PLXDC1: variants seen among roughly 807,000 people sequenced by gnomAD.
The protein encoded by PLXDC1 is plexin domain-containing protein 1.
Under a neutral mutation model 61.3 loss-of-function variants are expected in PLXDC1, and 39 were observed. The observed-to-expected ratio is 0.64, with a 90% CI of 0.49 to 0.83. The LOEUF is 0.83. PLXDC1 is among the 40% of genes least tolerant of loss of function. The pLI, the probability that PLXDC1 is intolerant of heterozygous loss-of-function variation, is 0.00. For missense variants in PLXDC1, 596 were observed against 666.5 expected (o/e 0.89, Z 1.17); for synonymous variants, 212 against 254.5 (o/e 0.83, Z 1.59).
chr17:39,150,191 G>C (rs1057253891), intron 1 of PLXDC1, among the ~76,000 whole-genome samples: 1 of 152,088 alleles, frequency 6.6e-6, no homozygotes, highest in Admixed American at 6.5e-5. Context: ...GCAGCTTCTC[G>C]GTTCGTCAGC....
chr17:39,090,840 C>T (rs1207841010), intron 7 of PLXDC1, among the ~76,000 whole-genome samples: 4 of 152,112 alleles, frequency 2.6e-5, no homozygotes, highest in Non-Finnish European at 4.4e-5. Flanking sequence ...GGAAGGATGG[C>T]ACGCATTGCT....
intron 1 of PLXDC1, among the ~76,000 whole-genome samples, chr17:39,141,164 G>A (rs1024708011): frequency 6.6e-6 from 1 of 152,108 alleles, no homozygotes; most frequent in African/African-American, 2.4e-5. Context: ...TAAGTAGCTG[G>A]GACTATAGGC....
intron 9 of PLXDC1, chr17:39,081,225 A>G (rs2143379474): frequency 6.5e-6 from 1 of 152,716 alleles, no homozygotes; most frequent in South Asian, 2.1e-4. Context: ...CTATTCTGCA[A>G]CGCTCTGCTC....
In PLXDC1 at chr17:39,063,356, A is replaced by T. The variant is rs74690709; in HGVS notation, c.*4484T>A. 5.8e-3 allele frequency: 3,773 copies of T among 649,366 alleles called. 154 individuals carry two copies. The East Asian group carries it at 0.08, about 14-fold the overall frequency. The allele number at this position is 649,366 out of a possible 1,614,324, so 40.2% of individuals were successfully genotyped here. On this transcript the variant is annotated 3_prime_UTR_variant, in exon 14 of 14. Coordinates refer to ENST00000315392, the MANE Select transcript of PLXDC1 (RefSeq NM_020405.5). ...GTATGTCCTCAGACAGTAGATAAAAATGCATGGGGTTTACTTCCAGGGATT... is the reference window on the plus strand; with the variant it reads ...GTATGTCCTCAGACAGTAGATAAAATTGCATGGGGTTTACTTCCAGGGATT...
In PLXDC1 at chr17:39,151,129, G is replaced by T. The variant is rs1374187459; in HGVS notation, c.76+233C>A. On this transcript the variant is annotated intron_variant, in intron 1 of 13. Transcript: ENST00000315392. This position sits in a 1 kb window ranked among gnomAD's most constrained non-coding sequence, Gnocchi z 5.2. ...CTAAGGTCCCTCCAGTATCCTTCCAGGAGAGAAGGAGAGGTCCGGGCATCG... is the reference window on the plus strand; with the variant it reads ...CTAAGGTCCCTCCAGTATCCTTCCATGAGAGAAGGAGAGGTCCGGGCATCG... Among the ~76,000 whole-genome samples the T allele has an allele frequency of 6.6e-6, 1 of 152,202 alleles. No homozygotes were observed. Among genetic ancestry groups the T allele is most frequent in the East Asian group, 1.9e-4 (1 of 5,192 alleles).
At chr17:39,074,520 C>T (rs1385128867) in intron 11 of PLXDC1, among the ~76,000 whole-genome samples, 2 of 152,158 alleles carry the variant, frequency 1.3e-5, no homozygotes, top group African/African-American at 4.8e-5. Context: ...GGGATGCACA[C>T]AGATAATAAA....
At chr17:39,152,155 C>T (rs1045534875), upstream of PLXDC1, among the ~76,000 whole-genome samples, 2 of 148,296 alleles carry the variant, frequency 1.3e-5, no homozygotes, top group Non-Finnish European at 3.0e-5. Flanking sequence ...GAATCCCACC[C>T]CCCTTCCATG....
Position 39,063,387 on chromosome 17 carries a change from AC to A in PLXDC1, c.*4452del, listed in dbSNP as rs1252847810. The A allele has an allele frequency of 2.2e-5, 15 of 690,734 alleles. No individual in the cohort carries two copies. Among genetic ancestry groups the A allele is most frequent in the Non-Finnish European group, 3.2e-5 (12 of 380,768 alleles). 42.8% of individuals were successfully genotyped at this position (690,734 alleles called of 1,614,324 possible). On this transcript the variant is annotated 3_prime_UTR_variant, in exon 14 of 14. Coordinates refer to ENST00000315392, the MANE Select transcript of PLXDC1 (RefSeq NM_020405.5). ...GGGGTTTACTTCCAGGGATTTACAG[AC>A]CAATATAAGTAAACAGCTGGGGTTT...
chr17:39,129,072 C>T (rs1024749936), intron 2 of PLXDC1, among the ~76,000 whole-genome samples: 4 of 152,028 alleles, frequency 2.6e-5, no homozygotes, highest in African/African-American at 9.7e-5. Context: ...AATCCCAGCA[C>T]TTTGGGAGGC....
chr17:39,117,149 G>T (rs16237), intron 2 of PLXDC1, among the ~76,000 whole-genome samples: 54,097 of 152,098 alleles, frequency 0.36, 10,073 homozygotes, highest in Admixed American at 0.45. Flanking sequence ...TAGGCATCTT[G>T]TAGTGACGGG....
intron 7 of PLXDC1, among the ~76,000 whole-genome samples, chr17:39,096,447 TC>T (rs967871643): frequency 6.6e-6 from 1 of 152,156 alleles, no homozygotes; most frequent in Admixed American, 6.5e-5. Context: ...ATTGGCCAGA[TC>T]CTCAGCTTCT....
chr17:39,125,251 T>C (rs1711520231), intron 2 of PLXDC1, among the ~76,000 whole-genome samples: 1 of 152,246 alleles, frequency 6.6e-6, no homozygotes, highest in Admixed American at 6.5e-5. Flanking sequence ...GCAGGAAGTA[T>C]GTCCCCTGGT....
intron 1 of PLXDC1, among the ~76,000 whole-genome samples, chr17:39,150,984 G>A (rs2045368761): frequency 6.6e-6 from 1 of 152,174 alleles, no homozygotes; most frequent in African/African-American, 2.4e-5. Flanking sequence ...CATGGCTGGG[G>A]CAGGGGCCTC....
chr17:39,139,954 G>T (rs1911881510), intron 1 of PLXDC1, 122 bp from the exon 2 acceptor site: 7 of 969,152 alleles, frequency 7.2e-6, no homozygotes, highest in Non-Finnish European at 1.0e-5. Context: ...GCAGACACTT[G>T]ACTGACTACC....
chr17:39,078,090 C>A (rs770443965), intron 10 of PLXDC1, 42 bp from the exon 11 acceptor site: 1 of 1,510,764 alleles, frequency 6.6e-7, no homozygotes, highest in Non-Finnish European at 8.9e-7. Flanking sequence ...TGCATTTACA[C>A]CTTTCCCTTC....
intron 9 of PLXDC1, 139 bp from the exon 10 acceptor site, chr17:39,079,303 T>G: frequency 1.4e-6 from 1 of 694,070 alleles, no homozygotes; most frequent in Non-Finnish European, 2.6e-6. Flanking sequence ...GCACTCCCAT[T>G]CCCTCTACTT....
intron 2 of PLXDC1, among the ~76,000 whole-genome samples, chr17:39,124,818 C>CTTAT (rs1911268182): frequency 6.6e-6 from 1 of 152,018 alleles, no homozygotes; most frequent in Non-Finnish European, 1.5e-5. Flanking sequence ...TCAGGAAGGG[C>CTTAT]TTATTTATTT....
rs138992750 is a variant in PLXDC1 at position 39,063,928 on chromosome 17, A to G, written c.*3912T>C. 1.8e-5 allele frequency: 3 copies of G among 163,956 alleles called. No individual in the cohort carries two copies. Among genetic ancestry groups the G allele is most frequent in the African/African-American group, 4.8e-5 (2 of 41,828 alleles). 10.2% of individuals were successfully genotyped at this position (163,956 alleles called of 1,614,324 possible). A position where few individuals can be genotyped will look rare whatever the true frequency, so the allele number is the denominator to read the frequency against. ...CTTAGCCTTGCCTGCAACCAGATGAATGGTTAGCTTTAGTGGTGAACACTT... is the reference window on the plus strand; with the variant it reads ...CTTAGCCTTGCCTGCAACCAGATGAGTGGTTAGCTTTAGTGGTGAACACTT... On this transcript the variant is annotated 3_prime_UTR_variant, in exon 14 of 14. Transcript: ENST00000315392.
intron 1 of PLXDC1, among the ~76,000 whole-genome samples, chr17:39,142,813 C>T (rs1012137939): frequency 2.0e-5 from 3 of 152,146 alleles, no homozygotes; most frequent in East Asian, 1.9e-4. Context: ...GGATTATAAG[C>T]GTGAGCCACT....
Sources: allele counts gnomAD v4.1 joint callset (sites outside exome capture counted in the v4.1 genomes callset), GRCh38; gene constraint gnomAD v4.1.1; non-coding constraint Gnocchi (gnomAD v3.1); transcripts MANE v1.5; gene names NCBI Gene and HGNC (gene_info 2026-07-23, HGNC 2026-07-21).